Variants in RFX2 observed in about 807,000 individuals in gnomAD.
The protein encoded by RFX2 is regulatory factor X2.
Under a neutral mutation model 87.8 loss-of-function variants are expected in RFX2, and 20 were observed. That is an observed-to-expected ratio of 0.23 (90% CI 0.16 to 0.33). The LOEUF (loss-of-function observed/expected upper bound fraction) is 0.33, where lower values mean the gene tolerates loss of function less well. Among genes scored for constraint, RFX2 ranks in the 10% least tolerant of loss-of-function variants. The pLI, the probability that RFX2 is intolerant of heterozygous loss-of-function variation, is 1.00. For missense variants in RFX2, 767 were observed against 1,012.3 expected (o/e 0.76, Z 3.29); for synonymous variants, 397 against 431.3 (o/e 0.92, Z 0.98).
intron 1 of RFX2, among the ~76,000 whole-genome samples, chr19:6,103,648 TG>T (rs1222952180): frequency 6.6e-6 from 1 of 152,224 alleles, no homozygotes; most frequent in African/African-American, 2.4e-5. Context: ...GAGGGACCCA[TG>T]CCACAACCAA....
Position 6,002,093 on chromosome 19 carries a change from C to T in RFX2, c.1651-70G>A, listed in dbSNP as rs2086497287. 2.2e-6 allele frequency: 3 copies of T among 1,375,446 alleles called. No individual in the cohort carries two copies. The highest frequency in any genetic ancestry group is 2.4e-5 in the East Asian group (1 of 40,840). 85.2% of individuals were successfully genotyped at this position (1,375,446 alleles called of 1,614,324 possible). ...CCACGGCAGCCCTCCCTGGACCTAG[C>T]CATGCTCAGGGCGGGACATCGTGCT... On this transcript the variant is annotated intron_variant, in intron 14 of 17. Coordinates refer to ENST00000303657, the MANE Select transcript of RFX2 (RefSeq NM_000635.4). This position sits in a 1 kb window ranked among gnomAD's most constrained non-coding sequence, Gnocchi z 6.7.
intron 12 of RFX2, among the ~76,000 whole-genome samples, chr19:6,006,377 T>C (rs2086581269): frequency 6.6e-6 from 1 of 151,850 alleles, no homozygotes; most frequent in Admixed American, 6.6e-5. Context: ...CAGGCTGGTC[T>C]CAAACTCCTG....
rs975334233 is a variant in RFX2 at position 6,040,602 on chromosome 19, TAA to T, written c.261-363_261-362del. Among the ~76,000 whole-genome samples the T allele has an allele frequency of 6.6e-6, 1 of 151,758 alleles. No homozygotes were observed. Among genetic ancestry groups the T allele is most frequent in the Admixed American group, 6.6e-5 (1 of 15,240 alleles). On this transcript the variant is annotated intron_variant, in intron 4 of 17. Transcript: ENST00000303657. The surrounding 1 kb of genome is among the most constrained non-coding windows in gnomAD (Gnocchi z 6.1). Reference sequence around the variant, plus strand: ...TAGAGAGAACCATCTCTACAAAAAATAAAAGATTTAGCCAGGTGTGGTGGTGC... The same window carrying T: ...TAGAGAGAACCATCTCTACAAAAAATAAGATTTAGCCAGGTGTGGTGGTGC...
intron 1 of RFX2, among the ~76,000 whole-genome samples, chr19:6,065,029 G>A (rs111802507): frequency 0.01 from 1,567 of 152,150 alleles, 28 homozygotes; most frequent in African/African-American, 0.036. Context: ...ATACTTCCAT[G>A]GGAAATAAGA....
At chr19:6,099,504 C>T (rs2088082828) in intron 1 of RFX2, among the ~76,000 whole-genome samples, 1 of 150,970 alleles carries the variant, frequency 6.6e-6, no homozygotes, top group Admixed American at 6.6e-5. Context: ...ATCTCAGGCA[C>T]GGGCTGCGTG....
At chr19:6,048,690 A>G (rs1208933033) in intron 1 of RFX2, among the ~76,000 whole-genome samples, 1 of 152,226 alleles carries the variant, frequency 6.6e-6, no homozygotes, top group Non-Finnish European at 1.5e-5. Context: ...TATCACCCCC[A>G]GAGGTTTTAT....
Position 6,040,159 on chromosome 19 carries a change from CA to C in RFX2, c.342del (p.Ala115ProfsTer3). On this transcript the variant is annotated frameshift_variant, in exon 5 of 18. Coordinates refer to ENST00000303657, the MANE Select transcript of RFX2 (RefSeq NM_000635.4). LOFTEE classifies it high-confidence loss of function. The surrounding 1 kb of genome is among the most constrained non-coding windows in gnomAD (Gnocchi z 6.1). Reference protein sequence around the residue: ...STASYFEAPGGAQVTVAASSP... With the variant: ...STASYFEAPGXAQVTVAASSP... ...GACGAGGCTGCCACGGTCACCTGGG[CA>C]CCGCCTGGGGCCTCGAAGTAAGAAG... 6.2e-7 allele frequency: 1 copy of C among 1,604,252 alleles called. No homozygotes were observed. The highest frequency in any genetic ancestry group is 8.5e-7 in the Non-Finnish European group (1 of 1,173,148).
Position 6,040,236 on chromosome 19 carries a change from G to C in RFX2, c.266C>G (p.Thr89Arg). The change falls in exon 5 of 18, where the codon ACA becomes AGA. Residue 89 changes from threonine to arginine, a missense_variant. Thr to Arg is a moderately conservative substitution (Grantham distance 71). Coordinates refer to ENST00000303657, the MANE Select transcript of RFX2 (RefSeq NM_000635.4). The surrounding 1 kb of genome is among the most constrained non-coding windows in gnomAD (Gnocchi z 6.1). ...DAVYTNGAIRTAYTYNPEPQM... is the reference protein window; with the variant it reads ...DAVYTNGAIRRAYTYNPEPQM... Reference sequence around the variant, plus strand: ...AGGCTCGGGGTTGTAGGTGTAGGCTGTTCGTCTGTTAGAAAGAGAGAAGTC... The same window carrying C: ...AGGCTCGGGGTTGTAGGTGTAGGCTCTTCGTCTGTTAGAAAGAGAGAAGTC... 1 of 1,545,974 alleles carries C rather than the reference G, an allele frequency of 6.5e-7. No individual in the cohort carries two copies. The highest frequency in any genetic ancestry group is 1.9e-5 in the Admixed American group (1 of 52,908).
Position 6,056,173 on chromosome 19 carries a change from T to C in RFX2, c.-8-8669A>G, listed in dbSNP as rs1034420359. 4.6e-5 allele frequency among the ~76,000 whole-genome samples: 7 copies of C among 152,214 alleles called. No homozygotes were observed. Among genetic ancestry groups the C allele is most frequent in the Non-Finnish European group, 8.8e-5 (6 of 68,016 alleles). On this transcript the variant is annotated intron_variant, in intron 1 of 17. Coordinates refer to ENST00000303657, the MANE Select transcript of RFX2 (RefSeq NM_000635.4). The surrounding 1 kb of genome is among the most constrained non-coding windows in gnomAD (Gnocchi z 4.6). ...AGCTAAGGTTTGTGCACTTACTGTA[T>C]GTGAATTTTAACAATGACAACGAAG...
rs1184406047 is a variant in RFX2 at position 6,027,476 on chromosome 19, T to C, written c.523-1239A>G. 6.6e-6 allele frequency: 1 copy of C among 152,178 alleles called. No individual in the cohort carries two copies. Among genetic ancestry groups the C allele is most frequent in the Non-Finnish European group, 1.5e-5 (1 of 68,066 alleles). 9.4% of individuals were successfully genotyped at this position (152,178 alleles called of 1,614,324 possible). Reference sequence around the variant, plus strand: ...AGAAAAAACACACATGCCACCCCCATGTCTTGGGGCCATTCTGATCTGCAG... The same window carrying C: ...AGAAAAAACACACATGCCACCCCCACGTCTTGGGGCCATTCTGATCTGCAG... On this transcript the variant is annotated intron_variant, in intron 5 of 17. Coordinates refer to ENST00000303657, the MANE Select transcript of RFX2 (RefSeq NM_000635.4). This position sits in a 1 kb window ranked among gnomAD's most constrained non-coding sequence, Gnocchi z 5.0.
rs141904521 is a variant in RFX2, at chr19:6,040,914, G to A, written c.261-673C>T. 2.6e-4 allele frequency among the ~76,000 whole-genome samples: 40 copies of A among 152,172 alleles called. No homozygotes were observed. The East Asian group carries it at 2.9e-3, about 11-fold the overall frequency. Reference sequence around the variant, plus strand: ...GCTAAAAATGCAAAGAAATAGACACGCACGCACATGCAAGGGTACACACAT... The same window carrying A: ...GCTAAAAATGCAAAGAAATAGACACACACGCACATGCAAGGGTACACACAT... On this transcript the variant is annotated intron_variant, in intron 4 of 17. Coordinates refer to ENST00000303657, the MANE Select transcript of RFX2 (RefSeq NM_000635.4). The surrounding 1 kb of genome is among the most constrained non-coding windows in gnomAD (Gnocchi z 6.1).
Position 6,007,145 on chromosome 19 carries a change from G to A in RFX2, c.1269C>T (p.Ala423=), listed in dbSNP as rs760393245. The A allele has an allele frequency of 3.1e-6, 5 of 1,613,954 alleles. No individual in the cohort carries two copies. Among genetic ancestry groups the A allele is most frequent in the South Asian group, 1.1e-5 (1 of 91,068 alleles). ...LPASDEDPEG[A]VLPKDKLISL... is the part of the protein sequence containing the mutation. ...AGATAAGCTTGTCCTTGGGCAGGAC[G>A]GCGCCCTCGGGGTCTTCGTCACTGT... The change falls in exon 12 of 18, where the codon GCC becomes GCT. Residue 423 remains alanine (A), a synonymous_variant. Coordinates refer to ENST00000303657, the MANE Select transcript of RFX2 (RefSeq NM_000635.4). This position sits in a 1 kb window ranked among gnomAD's most constrained non-coding sequence, Gnocchi z 8.2.
At chr19:6,028,292 T>A (rs2086915484) in intron 5 of RFX2, among the ~76,000 whole-genome samples, 1 of 152,026 alleles carries the variant, frequency 6.6e-6, no homozygotes. Flanking sequence ...AGAAGACAAC[T>A]CTACACATCT....
Position 6,042,029 on chromosome 19 carries a change from G to T in RFX2, c.260+15C>A. 1.2e-6 allele frequency: 2 copies of T among 1,611,480 alleles called. No homozygotes were observed. Among genetic ancestry groups the T allele is most frequent in the South Asian group, 2.2e-5 (2 of 91,030 alleles). ...GGAGAGGGTTCCGGGTGTGGCCCGCGGGAGAAGCACGCACATGGCTCCATT... is the reference window on the plus strand; with the variant it reads ...GGAGAGGGTTCCGGGTGTGGCCCGCTGGAGAAGCACGCACATGGCTCCATT... On this transcript the variant is annotated intron_variant, in intron 4 of 17. Transcript: ENST00000303657.
At position 5,997,018 on chromosome 19, in the gene RFX2, G is replaced by C. The variant is rs1329976163; in HGVS notation, c.2013+42C>G. On this transcript the variant is annotated intron_variant, in intron 16 of 17. Transcript: ENST00000303657. This position sits in a 1 kb window ranked among gnomAD's most constrained non-coding sequence, Gnocchi z 4.2. ...AGAGCACACCGCCCTCTCCCCACAG[G>C]CCCGGCCAAGCCCCGGCCGTCCCAC... The C allele has an allele frequency of 1.3e-6, 2 of 1,576,550 alleles. No individual in the cohort carries two copies. Among genetic ancestry groups the C allele is most frequent in the Non-Finnish European group, 1.7e-6 (2 of 1,164,550 alleles).
At chr19:6,109,220 G>C (rs1352194568) in intron 1 of RFX2, 1 of 151,622 alleles carries the variant, frequency 6.6e-6, no homozygotes, top group East Asian at 1.9e-4. Flanking sequence ...CTCCCTTCCA[G>C]ATCAGTCCTA....
intron 1 of RFX2, among the ~76,000 whole-genome samples, chr19:6,098,594 G>C (rs1232981661): frequency 6.6e-6 from 1 of 152,060 alleles, no homozygotes; most frequent in Non-Finnish European, 1.5e-5. Context: ...TTCGTTAAAC[G>C]TGAGAGGTCA....
In RFX2 at chr19:6,080,145, A is replaced by T. The variant is rs576105975; in HGVS notation, c.-9+30248T>A. 4.0e-5 allele frequency among the ~76,000 whole-genome samples: 6 copies of T among 151,596 alleles called. No homozygotes were observed. In the South Asian group the frequency reaches 1.2e-3, roughly 32 times the overall value. On this transcript the variant is annotated intron_variant, in intron 1 of 17. Transcript: ENST00000303657. The stretch of plus-strand genomic sequence containing the variant: ...TAGCCTCTAACTCCAGGGCTAAAGC[A>T]TTCCTCCTGCCTCAGCCTCCTGTGA...
In RFX2 at chr19:6,044,687, A is replaced by C. The variant is rs3829667; in HGVS notation, c.91-405T>G. On this transcript the variant is annotated intron_variant, in intron 2 of 17. Transcript: ENST00000303657. This position sits in a 1 kb window ranked among gnomAD's most constrained non-coding sequence, Gnocchi z 5.3. ...ACTGATCGTCCCTAGTACAGAGGGGACTGCTGGGGCCCTCTGGATAGCCAT... is the reference window on the plus strand; with the variant it reads ...ACTGATCGTCCCTAGTACAGAGGGGCCTGCTGGGGCCCTCTGGATAGCCAT... Among the ~76,000 whole-genome samples, 9,400 of 152,236 alleles carry C rather than the reference A, an allele frequency of 0.062. 410 individuals are homozygous for C. The highest frequency in any genetic ancestry group is 0.17 in the East Asian group (854 of 5,168).
Sources: gnomAD v4.1 joint callset for allele counts (sites outside exome capture counted in the v4.1 genomes callset) on GRCh38, gnomAD v4.1.1 for gene constraint, Gnocchi (gnomAD v3.1) non-coding constraint, MANE v1.5 for transcripts, NCBI Gene and HGNC (gene_info 2026-07-23, HGNC 2026-07-21) for gene names.